ADAMTS6: variants seen among roughly 807,000 people sequenced by gnomAD.
ADAMTS6 encodes A disintegrin and metalloproteinase with thrombospondin motifs 6.
Under a neutral mutation model 144.3 loss-of-function variants are expected in ADAMTS6, and 23 were observed. The observed-to-expected ratio is 0.16, with a 90% CI of 0.11 to 0.23. ADAMTS6 has a LOEUF of 0.23. Ranked by LOEUF, ADAMTS6 falls within the 10% of genes least tolerant of loss-of-function variation. The pLI, the probability that ADAMTS6 is intolerant of heterozygous loss-of-function variation, is 1.00. For missense variants in ADAMTS6, 999 were observed against 1,379.6 expected (o/e 0.72, Z 4.37); for synonymous variants, 444 against 457.5 (o/e 0.97, Z 0.38).
At chr5:65,163,587 C>T (rs1165940464) in intron 24 of ADAMTS6, among the ~76,000 whole-genome samples, 3 of 152,064 alleles carry the variant, frequency 2.0e-5, no homozygotes, top group Non-Finnish European at 4.4e-5. Context: ...TTTAAGAATC[C>T]TTTGAATTAG....
At chr5:65,436,963 T>C (rs2150225913) in intron 7 of ADAMTS6, among the ~76,000 whole-genome samples, 1 of 152,196 alleles carries the variant, frequency 6.6e-6, no homozygotes, top group East Asian at 1.9e-4. Context: ...GACTGGGCAA[T>C]TTACAAAAGA....
intron 14 of ADAMTS6, among the ~76,000 whole-genome samples, chr5:65,247,552 A>G (rs113621915): frequency 5.9e-5 from 9 of 152,252 alleles, no homozygotes; most frequent in African/African-American, 2.2e-4. Flanking sequence ...TCTTACCTTC[A>G]AGAGAAATAC....
At chr5:65,305,675 C>T (rs1291151743) in intron 9 of ADAMTS6, among the ~76,000 whole-genome samples, 1 of 152,108 alleles carries the variant, frequency 6.6e-6, no homozygotes, top group African/African-American at 2.4e-5. Flanking sequence ...GTTTAGTAAA[C>T]ATTTCAGATT....
At chr5:65,186,298 T>G (rs1754671071) in intron 22 of ADAMTS6, among the ~76,000 whole-genome samples, 1 of 152,202 alleles carries the variant, frequency 6.6e-6, no homozygotes, top group Non-Finnish European at 1.5e-5. Context: ...TCCATATTAA[T>G]TATACATTTA....
intron 1 of ADAMTS6, among the ~76,000 whole-genome samples, chr5:65,480,352 G>C (rs1021943542): frequency 6.6e-6 from 1 of 151,602 alleles, no homozygotes; most frequent in African/African-American, 2.4e-5. Flanking sequence ...CAGACAGAGG[G>C]TAACAGTCTG....
chr5:65,357,679 A>G (rs1303524801), intron 7 of ADAMTS6, among the ~76,000 whole-genome samples: 2 of 151,846 alleles, frequency 1.3e-5, no homozygotes, highest in Non-Finnish European at 3.0e-5. Context: ...CCATAGAACT[A>G]TAAAAGATCC....
intron 7 of ADAMTS6, among the ~76,000 whole-genome samples, chr5:65,343,925 C>T (rs746328058): frequency 1.3e-5 from 2 of 151,952 alleles, no homozygotes; most frequent in Non-Finnish European, 2.9e-5. Context: ...AAAAGACATT[C>T]GAATGGCCAA....
At chr5:65,259,041 A>G (rs1176527540) in intron 14 of ADAMTS6, among the ~76,000 whole-genome samples, 1 of 152,066 alleles carries the variant, frequency 6.6e-6, no homozygotes, top group Non-Finnish European at 1.5e-5. Context: ...TGGGTACTCT[A>G]ACATTGAGGT....
chr5:65,162,620 TACACACACACACACAC>T (rs10529076), intron 24 of ADAMTS6, among the ~76,000 whole-genome samples: 29 of 145,932 alleles, frequency 2.0e-4, no homozygotes, highest in East Asian at 4.1e-4. Flanking sequence ...TATAAGATAC[TACACACACACACACAC>T]ACACACACAC....
chr5:65,392,435 G>T (rs1753001974), intron 7 of ADAMTS6, among the ~76,000 whole-genome samples: 1 of 152,072 alleles, frequency 6.6e-6, no homozygotes, highest in South Asian at 2.1e-4. Flanking sequence ...TCAGCCCTCA[G>T]TATTTTACTA....
At chr5:65,262,775 A>C in intron 13 of ADAMTS6, 42 bp downstream of exon 13, 1 of 1,471,780 alleles carries the variant, frequency 6.8e-7, no homozygotes, top group Non-Finnish European at 9.0e-7. Flanking sequence ...ATCATTTCCA[A>C]CTGTGTCTTT....
At chr5:65,311,656 CT>C (rs929357523) in intron 9 of ADAMTS6, among the ~76,000 whole-genome samples, 2 of 151,652 alleles carry the variant, frequency 1.3e-5, no homozygotes, top group Non-Finnish European at 2.9e-5. Flanking sequence ...ATGATCCCCC[CT>C]AACACTGTGA....
intron 7 of ADAMTS6, among the ~76,000 whole-genome samples, chr5:65,358,610 C>G (rs1049908862): frequency 3.3e-5 from 5 of 152,034 alleles, no homozygotes; most frequent in African/African-American, 1.2e-4. Context: ...AGGCATCGCA[C>G]TACCTCATTC....
At position 65,224,395 on chromosome 5, in the gene ADAMTS6, T is replaced by G. The variant is rs775071126; in HGVS notation, c.2197A>C (p.Met733Leu). 6.2e-7 allele frequency: 1 copy of G among 1,614,082 alleles called. No homozygotes were observed. The highest frequency in any genetic ancestry group is 1.1e-5 in the South Asian group (1 of 91,082). Residue 733 changes from methionine (M) to leucine (L), a missense_variant, in exon 18 of 25, where the codon ATG (methionine) becomes CTG (leucine). Met to Leu is a conservative substitution (Grantham distance 15, BLOSUM62 2). Transcript: ENST00000381055. ...CCTCTTGGTATCTGCACCACTTCCA[T>G]GTAGCCTGGAACACAGAAGATAGCC... ...FNDSLPRGGY[M>L]EVVQIPRGSV... is the part of the protein sequence containing the mutation.
intron 22 of ADAMTS6, among the ~76,000 whole-genome samples, chr5:65,176,676 T>C (rs1754001717): frequency 6.6e-6 from 1 of 152,258 alleles, no homozygotes; most frequent in Admixed American, 6.5e-5. Flanking sequence ...AAATCTTACC[T>C]TATGGTCTGA....
intron 1 of ADAMTS6, among the ~76,000 whole-genome samples, chr5:65,479,870 G>GA (rs530833963): frequency 1.0e-3 from 155 of 152,254 alleles, no homozygotes; most frequent in African/African-American, 3.7e-3. Context: ...CCACTACACA[G>GA]ACTTCATTTG....
chr5:65,372,984 G>A (rs1347428798), intron 7 of ADAMTS6, among the ~76,000 whole-genome samples: 1 of 152,196 alleles, frequency 6.6e-6, no homozygotes, highest in Non-Finnish European at 1.5e-5. Context: ...CATGGAAACT[G>A]AACAAGCTTC....
intron 7 of ADAMTS6, among the ~76,000 whole-genome samples, chr5:65,366,530 T>G (rs1038815404): frequency 1.2e-4 from 18 of 152,216 alleles, no homozygotes; most frequent in African/African-American, 4.1e-4. Context: ...TTACTAATTT[T>G]TTTAGCCTTG....
chr5:65,376,156 A>AT (rs1751516722), intron 7 of ADAMTS6, among the ~76,000 whole-genome samples: 1 of 152,178 alleles, frequency 6.6e-6, no homozygotes, highest in Non-Finnish European at 1.5e-5. Flanking sequence ...GATGTACCTA[A>AT]TGCTAGATGA....
Sources: allele counts gnomAD v4.1 joint callset (sites outside exome capture counted in the v4.1 genomes callset), GRCh38; gene constraint gnomAD v4.1.1; transcripts MANE v1.5; gene names NCBI Gene and HGNC (gene_info 2026-07-23, HGNC 2026-07-21).